Variants in AKAP19 observed in about 807,000 individuals in gnomAD.
AKAP19 encodes small A-kinase anchoring protein.
chr2:190,115,338 G>T, the AKAP19 span, among the ~76,000 whole-genome samples: 1 of 23,190 alleles, frequency 4.3e-5, no homozygotes, highest in Non-Finnish European at 7.9e-5. Flanking sequence ...TTTTTTTTTT[G>T]AGATGGAGTC....
chr2:190,062,765 A>C, the AKAP19 span: 1 of 610,950 alleles, frequency 1.6e-6, no homozygotes, highest in African/African-American at 1.9e-5. Context: ...TTATATTCCA[A>C]CTTAGATGAG....
At chr2:190,097,672 C>A in the AKAP19 span, among the ~76,000 whole-genome samples, 1 of 151,810 alleles carries the variant, frequency 6.6e-6, no homozygotes, top group African/African-American at 2.4e-5. Flanking sequence ...ATGTTCACAG[C>A]ATCTTCATCA....
At chr2:189,969,382 A>C in the AKAP19 span, among the ~76,000 whole-genome samples, 2 of 152,238 alleles carry the variant, frequency 1.3e-5, no homozygotes, top group Admixed American at 1.3e-4. Context: ...GAACTGTGAG[A>C]AATGTTTGTT....
chr2:189,902,554 T>C, the AKAP19 span, among the ~76,000 whole-genome samples: 3 of 151,996 alleles, frequency 2.0e-5, no homozygotes, highest in African/African-American at 7.2e-5. Flanking sequence ...TCCTTTCTTA[T>C]TTTTTCCTTA....
chr2:190,062,447 A>G, the AKAP19 span: 7 of 1,613,456 alleles, frequency 4.3e-6, no homozygotes, highest in Admixed American at 1.7e-5. Flanking sequence ...CTATTCTTGA[A>G]GATTTAGTGT....
the AKAP19 span, among the ~76,000 whole-genome samples, chr2:190,186,164 C>A: frequency 6.6e-6 from 1 of 152,148 alleles, no homozygotes; most frequent in Non-Finnish European, 1.5e-5. The surrounding 1 kb of genome is among the most constrained non-coding windows in gnomAD (Gnocchi z 5.5). Context: ...GTTGGCCAGG[C>A]TGGTCATGAA....
the AKAP19 span, among the ~76,000 whole-genome samples, chr2:189,896,133 CT>C: frequency 6.6e-6 from 1 of 151,846 alleles, no homozygotes; most frequent in East Asian, 1.9e-4. Context: ...AAGAATTTGA[CT>C]TTCTTGAGAT....
chr2:189,957,190 A>G, the AKAP19 span, among the ~76,000 whole-genome samples: 1 of 152,150 alleles, frequency 6.6e-6, no homozygotes, highest in East Asian at 1.9e-4. Flanking sequence ...AATAAAATAA[A>G]ATAAAAGTAA....
At chr2:190,199,774 C>T in the AKAP19 span, 29 of 1,552,926 alleles carry the variant, frequency 1.9e-5, no homozygotes, top group African/African-American at 3.0e-4. Flanking sequence ...CACTGGTCAA[C>T]ATCACATGGA....
At chr2:189,966,915 A>G in the AKAP19 span, among the ~76,000 whole-genome samples, 1 of 152,230 alleles carries the variant, frequency 6.6e-6, no homozygotes, top group African/African-American at 2.4e-5. Flanking sequence ...TAGCTCAGCT[A>G]ATCCCTAAGT....
At chr2:190,149,000 C>T in the AKAP19 span, among the ~76,000 whole-genome samples, 1 of 141,340 alleles carries the variant, frequency 7.1e-6, no homozygotes, top group Non-Finnish European at 1.5e-5. Flanking sequence ...TTTCACTCTT[C>T]TTGCCCAGGC....
the AKAP19 span, among the ~76,000 whole-genome samples, chr2:189,968,184 T>G: frequency 6.6e-6 from 1 of 152,146 alleles, no homozygotes; most frequent in Admixed American, 6.6e-5. Context: ...ATAGATATAA[T>G]TTCTGAGTTA....
At chr2:189,987,176 T>C in the AKAP19 span, among the ~76,000 whole-genome samples, 5 of 152,134 alleles carry the variant, frequency 3.3e-5, no homozygotes, top group African/African-American at 1.2e-4. Context: ...GGGCCGGTCT[T>C]TCCATGCTAT....
chr2:189,891,352 T>A, the AKAP19 span, among the ~76,000 whole-genome samples: 2 of 149,870 alleles, frequency 1.3e-5, no homozygotes, highest in Non-Finnish European at 3.0e-5. Context: ...GCCTCCCAAG[T>A]AGCTGGGACT....
chr2:189,955,358 A>G, the AKAP19 span, among the ~76,000 whole-genome samples: 4 of 152,092 alleles, frequency 2.6e-5, no homozygotes, highest in Non-Finnish European at 5.9e-5. Context: ...TTTAAAATCC[A>G]GTTATCCATT....
At chr2:189,977,368 A>G in the AKAP19 span, among the ~76,000 whole-genome samples, 1 of 152,324 alleles carries the variant, frequency 6.6e-6, no homozygotes, top group Non-Finnish European at 1.5e-5. Context: ...GTGTTGAAAT[A>G]TAATTGAATA....
the AKAP19 span, among the ~76,000 whole-genome samples, chr2:190,015,352 G>T: frequency 5.3e-5 from 8 of 152,308 alleles, no homozygotes; most frequent in East Asian, 1.4e-3. Flanking sequence ...AGCCACCAAG[G>T]TTTGGGGCTT....
chr2:189,938,242 A>G, the AKAP19 span, among the ~76,000 whole-genome samples: 19 of 152,092 alleles, frequency 1.2e-4, no homozygotes, highest in East Asian at 2.7e-3. Context: ...AGGCTGAGGC[A>G]GGAGAATAGC....
At chr2:190,017,495 AT>A in the AKAP19 span, among the ~76,000 whole-genome samples, 1 of 152,124 alleles carries the variant, frequency 6.6e-6, no homozygotes, top group Non-Finnish European at 1.5e-5. Context: ...ATAACAGGCT[AT>A]TTCAAGCTGA....
Sources: allele counts gnomAD v4.1 joint callset (sites outside exome capture counted in the v4.1 genomes callset), GRCh38; gene constraint gnomAD v4.1.1; non-coding constraint Gnocchi (gnomAD v3.1); transcripts MANE v1.5; gene names NCBI Gene and HGNC (gene_info 2026-07-23, HGNC 2026-07-21).